MAML2: variants seen among roughly 807,000 people sequenced by gnomAD.
MAML2 encodes the protein mastermind like transcriptional coactivator 2, also known as mastermind-like protein 2.
Under a neutral mutation model 96.1 loss-of-function variants are expected in MAML2, and 22 were observed. The ratio of observed to expected loss-of-function variants is 0.23; its 90% CI spans 0.16 to 0.33. The LOEUF (loss-of-function observed/expected upper bound fraction) is 0.33. Among genes scored for constraint, MAML2 ranks in the 10% least tolerant of loss-of-function variants. The pLI, the probability that MAML2 is intolerant of heterozygous loss-of-function variation, is 1.00. For missense variants in MAML2, 1,367 were observed against 1,392.4 expected, an observed-to-expected ratio of 0.98 and a Z score of 0.29; for synonymous variants, 561 against 521.3, an observed-to-expected ratio of 1.08 and a Z score of -1.04.
chr11:96,025,716 A>T (rs748071475), intron 2 of MAML2, among the ~76,000 whole-genome samples: 1 of 151,458 alleles, frequency 6.6e-6, no homozygotes, highest in African/African-American at 2.4e-5. Flanking sequence ...ACCATACCCA[A>T]CTAATTTTTT....
At chr11:96,103,777 A>T (rs1859974557) in intron 1 of MAML2, among the ~76,000 whole-genome samples, 1 of 151,900 alleles carries the variant, frequency 6.6e-6, no homozygotes, top group Non-Finnish European at 1.5e-5. Context: ...AGTGACTCTG[A>T]CCCCACATCT....
In MAML2 at chr11:96,253,355, AT is replaced by A. The variant is rs201901294; in HGVS notation, c.513+88027del. ...CATGACAATGCCAAGGAATATAGAC[AT>A]TAAATTGATCTTGGAATCCAAGCTC... On this transcript the variant is annotated intron_variant, in intron 1 of 4. Coordinates refer to ENST00000524717, the MANE Select transcript of MAML2 (RefSeq NM_032427.4). 6.4e-3 allele frequency among the ~76,000 whole-genome samples: 980 copies of A among 152,358 alleles called. 10 individuals are homozygous for A. Among genetic ancestry groups the A allele is most frequent in the African/African-American group, 0.021 (888 of 41,582 alleles).
intron 1 of MAML2, among the ~76,000 whole-genome samples, chr11:96,169,115 T>C (rs2135897902): frequency 6.6e-6 from 1 of 152,306 alleles, no homozygotes; most frequent in East Asian, 1.9e-4. Flanking sequence ...TTGTTCTGAC[T>C]CCCATGCAGG....
intron 1 of MAML2, among the ~76,000 whole-genome samples, chr11:96,288,406 A>G (rs1032179570): frequency 1.1e-4 from 17 of 152,100 alleles, no homozygotes; most frequent in African/African-American, 3.9e-4. Context: ...GCTGGACATG[A>G]TGACAGGCAC....
At position 96,092,510 on chromosome 11, in the gene MAML2, C is replaced by T. The variant is rs549517046; in HGVS notation, c.1521G>A (p.Ser507=). ...TGTACATGTAGTTAGCCATTACTTT[C>T]GACTGGCCGCTGCCGCCAGCTACCC... is the stretch of plus-strand genomic sequence containing the variant. ...MPGVAGGSGQ[S]KVMANYMYKA... The change falls in exon 2 of 5, where the codon TCG becomes TCA. Residue 507 remains serine, a synonymous_variant. Transcript: ENST00000524717. The surrounding 1 kb of genome is among the most constrained non-coding windows in gnomAD (Gnocchi z 4.1). The T allele has an allele frequency of 6.8e-5, 108 of 1,596,042 alleles. No homozygotes were observed. The highest frequency in any genetic ancestry group is 4.9e-4 in the Admixed American group (29 of 59,082).
intron 2 of MAML2, among the ~76,000 whole-genome samples, chr11:96,045,825 G>A (rs185415449): frequency 6.6e-6 from 1 of 151,344 alleles, no homozygotes; most frequent in African/African-American, 2.4e-5. Context: ...TTGCCAAAGT[G>A]ATGTAATAAT....
chr11:96,141,010 C>T (rs1860721706), intron 1 of MAML2, among the ~76,000 whole-genome samples: 1 of 152,188 alleles, frequency 6.6e-6, no homozygotes, highest in African/African-American at 2.4e-5. Flanking sequence ...ACAAACAAGT[C>T]ATTTCTTAGC....
At chr11:96,301,344 A>T (rs1025127422) in intron 1 of MAML2, among the ~76,000 whole-genome samples, 1 of 152,334 alleles carries the variant, frequency 6.6e-6, no homozygotes, top group East Asian at 1.9e-4. Flanking sequence ...CTCATATTCA[A>T]TGAGCGTACA....
At chr11:96,326,456 C>T (rs1163373238) in intron 1 of MAML2, among the ~76,000 whole-genome samples, 1 of 151,884 alleles carries the variant, frequency 6.6e-6, no homozygotes, top group Non-Finnish European at 1.5e-5. Context: ...CAATTGCATG[C>T]CCTTCCTTCT....
chr11:96,044,453 T>C (rs2135759360), intron 2 of MAML2, among the ~76,000 whole-genome samples: 1 of 152,270 alleles, frequency 6.6e-6, no homozygotes. Context: ...TCTCCCTTCC[T>C]CTCCTTTCAT....
chr11:96,092,468 G>A lies in MAML2; in HGVS notation c.1563C>T (p.Ala521=). The change falls in exon 2 of 5, where the codon GCC becomes GCT. Residue 521 remains alanine, a synonymous_variant. Transcript: ENST00000524717. The surrounding 1 kb of genome is among the most constrained non-coding windows in gnomAD (Gnocchi z 4.1). ...ANYMYKAGPS[A]QGGHLDVLMQ... Reference sequence around the variant, plus strand: ...TGAGGACATCTAGGTGCCCACCCTGGGCTGAGGGGCCGGCCTTGTACATGT... The same window carrying A: ...TGAGGACATCTAGGTGCCCACCCTGAGCTGAGGGGCCGGCCTTGTACATGT... The A allele has an allele frequency of 6.2e-7, 1 of 1,611,578 alleles. No homozygotes were observed. The highest frequency in any genetic ancestry group is 8.5e-7 in the Non-Finnish European group (1 of 1,178,600).
intron 2 of MAML2, among the ~76,000 whole-genome samples, chr11:96,061,515 T>C (rs910348760): frequency 1.3e-5 from 2 of 152,002 alleles, no homozygotes; most frequent in Admixed American, 6.5e-5. Context: ...GTTAAGTGCA[T>C]CAATTGTTAA....
intron 1 of MAML2, among the ~76,000 whole-genome samples, chr11:96,241,429 C>T (rs1862436517): frequency 6.6e-6 from 1 of 152,186 alleles, no homozygotes; most frequent in African/African-American, 2.4e-5. Flanking sequence ...TTTGGCCCCC[C>T]AGGAGACATT....
Position 96,034,454 on chromosome 11 carries a change from A to AGT in MAML2, c.2140-42732_2140-42731insAC, listed in dbSNP as rs1468615554. Among the ~76,000 whole-genome samples the AGT allele has an allele frequency of 8.4e-4, 107 of 128,090 alleles. 1 individual carries two copies. Among genetic ancestry groups the AGT allele is most frequent in the African/African-American group, 3.3e-3 (92 of 28,010 alleles). 84.0% of individuals were successfully genotyped at this position (128,090 alleles called of 152,430 possible). On this transcript the variant is annotated intron_variant, in intron 2 of 4. Transcript: ENST00000524717. ...GTGTGAGAGAGAGAGAGAGAGAGAG[A>AGT]GAGTGTGTGTGTGTGTGTGTGTCAG...
chr11:96,120,252 C>T (rs10741527), intron 1 of MAML2, among the ~76,000 whole-genome samples: 140,611 of 152,296 alleles, frequency 0.92, 64,955 homozygotes, highest in East Asian at 0.97. Flanking sequence ...CCACCGCGTC[C>T]GGCCAAGAAG....
At chr11:96,217,526 T>A (rs1415776207) in intron 1 of MAML2, among the ~76,000 whole-genome samples, 2 of 152,232 alleles carry the variant, frequency 1.3e-5, no homozygotes, top group African/African-American at 2.4e-5. Flanking sequence ...TCCTTGACTG[T>A]GTTATCTGTG....
At chr11:96,188,920 T>A (rs936676879) in intron 1 of MAML2, among the ~76,000 whole-genome samples, 2 of 151,440 alleles carry the variant, frequency 1.3e-5, no homozygotes, top group African/African-American at 2.4e-5. Context: ...AAAAAAAAAA[T>A]TCTGCTAAAC....
At chr11:96,306,690 AT>A (rs921807454) in intron 1 of MAML2, among the ~76,000 whole-genome samples, 1 of 151,928 alleles carries the variant, frequency 6.6e-6, no homozygotes, top group Admixed American at 6.6e-5. Flanking sequence ...AACTTACACT[AT>A]TTTTTTCACA....
At chr11:96,181,333 A>T (rs1358380214) in intron 1 of MAML2, among the ~76,000 whole-genome samples, 1 of 152,188 alleles carries the variant, frequency 6.6e-6, no homozygotes, top group African/African-American at 2.4e-5. Flanking sequence ...CTGCTTAGCT[A>T]CTACTTGTCT....
Sources: gnomAD v4.1 joint callset for allele counts (sites outside exome capture counted in the v4.1 genomes callset) on GRCh38, gnomAD v4.1.1 for gene constraint, Gnocchi (gnomAD v3.1) non-coding constraint, MANE v1.5 for transcripts, NCBI Gene and HGNC (gene_info 2026-07-23, HGNC 2026-07-21) for gene names.